The following TSC2 variants were observed in gnomAD, a reference collection of about 807,000 sequenced individuals.
The protein encoded by TSC2 is TSC complex subunit 2.
In TSC2, 29 loss-of-function variants were observed where a neutral mutation model predicts 202.2. That is an observed-to-expected ratio of 0.14 (90% CI 0.11 to 0.20). The LOEUF is 0.20. TSC2 is among the 10% of genes least tolerant of loss of function. The pLI is 1.00. For synonymous variants in TSC2, 1,349 were observed against 1,044.0 expected (o/e 1.29, Z -5.63); for missense variants, 2,429 against 2,420.0 (o/e 1.00, Z -0.08).
chr16:2,080,512 C>G (rs2089998093), intron 30 of TSC2, 135 bp downstream of exon 30: 1 of 1,048,744 alleles, frequency 9.5e-7, no homozygotes, highest in East Asian at 2.6e-5. Context: ...GAGACAGAGT[C>G]TTGCTCTGTG....
At chr16:2,087,251 C>T (rs1165991177) in intron 38 of TSC2, 2 of 368,454 alleles carry the variant, frequency 5.4e-6, no homozygotes, top group Admixed American at 7.7e-5. Context: ...CCAGCGTCAC[C>T]CTCTTCCTGG....
chr16:2,055,282 G>A (rs1802735900), intron 5 of TSC2, 120 bp from the exon 6 acceptor site: 1 of 825,086 alleles, frequency 1.2e-6, no homozygotes, highest in Non-Finnish European at 2.1e-6. Context: ...GCTGCCGGGG[G>A]ACTGATGATG....
intron 25 of TSC2, chr16:2,077,303 G>A (rs903842309): frequency 2.3e-6 from 1 of 432,772 alleles, no homozygotes; most frequent in South Asian, 2.1e-5. Flanking sequence ...AATCTGCCGT[G>A]GGGGTGACCC....
intron 15 of TSC2, 127 bp downstream of exon 15, chr16:2,064,554 C>T (rs2087055499): frequency 1.4e-6 from 2 of 1,447,366 alleles, no homozygotes; most frequent in African/African-American, 1.4e-5. Context: ...AGGCTCCCCT[C>T]CCTGCAGGGT....
rs1567409304 is a variant in TSC2, at chr16:2,056,762, G to A, written c.767G>A (p.Cys256Tyr). The A allele has an allele frequency of 6.2e-7, 1 of 1,608,818 alleles. No individual in the cohort carries two copies. The highest frequency in any genetic ancestry group is 1.1e-5 in the South Asian group (1 of 91,060). ...TINVKELCEP[C>Y]WKLMRNLLGT... ...AACGTCAAGGAGCTCTGCGAGCCTT[G>A]CTGGAAGGTGGGGTTTCTGAAACTG... Residue 256 changes from cysteine to tyrosine, a missense_variant, in exon 8 of 42, where the codon TGC (cysteine) becomes TAC (tyrosine). Physicochemically the swap from Cys to Tyr is radical, Grantham distance 194. Transcript: ENST00000219476.
chr16:2,080,726 C>A (rs9923663), intron 30 of TSC2: 2 of 282,922 alleles, frequency 7.1e-6, no homozygotes, highest in Non-Finnish European at 1.4e-5. Flanking sequence ...CCTCGTGATC[C>A]GCCCGCCTTG....
In TSC2 at chr16:2,077,774, G is replaced by A. The variant is rs750288059; in HGVS notation, c.2966+48G>A. 47 of 1,606,224 alleles carry A rather than the reference G, an allele frequency of 2.9e-5. No individual in the cohort carries two copies. In the Middle Eastern group the frequency reaches 6.1e-4, roughly 21 times the overall value. On this transcript the variant is annotated intron_variant, in intron 26 of 41. Transcript: ENST00000219476. Reference sequence around the variant, plus strand: ...GGCACGGACCCTGGAGCTTGGCCCCGTGAGCACCTGGGTGGCAGTGCATGG... The same window carrying A: ...GGCACGGACCCTGGAGCTTGGCCCCATGAGCACCTGGGTGGCAGTGCATGG...
chr16:2,075,622 G>A (rs1054589781), intron 22 of TSC2, among the ~76,000 whole-genome samples, 177 bp from the exon 23 acceptor site: 1 of 151,986 alleles, frequency 6.6e-6, no homozygotes, highest in African/African-American at 2.4e-5. Flanking sequence ...AGAAGCTGTG[G>A]TTGGCTGGCC....
chr16:2,075,913 C>CT (rs2089281268), intron 23 of TSC2, 21 bp downstream of exon 23: 1 of 1,613,048 alleles, frequency 6.2e-7, no homozygotes. Context: ...GCCCCAGGCC[C>CT]TGTGCCTCCC....
chr16:2,053,962 C>T (rs1288768405), intron 4 of TSC2: 2 of 452,576 alleles, frequency 4.4e-6, no homozygotes, highest in African/African-American at 2.0e-5. Context: ...CCCACTCAGG[C>T]CTTGTCCTCA....
intron 4 of TSC2, chr16:2,053,840 T>C (rs1403724117): frequency 2.0e-6 from 1 of 498,588 alleles, no homozygotes; most frequent in Admixed American, 2.3e-5. Context: ...TGGCTGACCC[T>C]GAACACCCAG....
intron 17 of TSC2, among the ~76,000 whole-genome samples, chr16:2,071,207 C>T (rs1323888614): frequency 3.3e-5 from 5 of 152,168 alleles, no homozygotes; most frequent in Non-Finnish European, 1.5e-5. Context: ...CAGTTGGGGG[C>T]GTGTGGTGCT....
intron 32 of TSC2, 86 bp downstream of exon 32, chr16:2,082,590 C>G: frequency 1.4e-6 from 2 of 1,469,352 alleles, no homozygotes; most frequent in Non-Finnish European, 9.4e-7. Flanking sequence ...CCGCCCACCC[C>G]CATGGTCCGT....
Position 2,084,581 on chromosome 16 carries a change from C to T in TSC2, c.4359C>T (p.Pro1453=), listed in dbSNP as rs1212442267. 3.7e-6 allele frequency: 6 copies of T among 1,606,342 alleles called. No individual in the cohort carries two copies. Among genetic ancestry groups the T allele is most frequent in the East Asian group, 4.5e-5 (2 of 44,876 alleles). ...GPLPSSSPRS[P]SGLRPRGYTI... is the part of the protein sequence containing the mutation. ...TGCCTTCCAGCTCCCCCCGCTCGCC[C>T]AGTGGCCTCCGGCCCCGAGGTTACA... The change falls in exon 34 of 42, where the codon CCC becomes CCT. Residue 1453 remains proline, a synonymous_variant. Coordinates refer to ENST00000219476, the MANE Select transcript of TSC2 (RefSeq NM_000548.5).
chr16:2,074,448 G>A (rs1030185956), intron 22 of TSC2, 59 bp downstream of exon 22: 12 of 1,589,228 alleles, frequency 7.6e-6, no homozygotes, highest in East Asian at 6.7e-5. Flanking sequence ...TAACCTGTGC[G>A]GGCTTCTCTG....
chr16:2,061,691 G>A (rs1260953194), intron 11 of TSC2, 180 bp from the exon 12 acceptor site: 1 of 1,001,184 alleles, frequency 1.0e-6, no homozygotes, highest in Non-Finnish European at 1.5e-6. Flanking sequence ...ATCTGGGGGT[G>A]TCTCAACCCA....
At chr16:2,068,777 G>T (rs1035972689) in intron 16 of TSC2, 3 of 148,348 alleles carry the variant, frequency 2.0e-5, no homozygotes, top group Admixed American at 7.0e-5. Flanking sequence ...GGAGGCTGAG[G>T]TAGGAGAATC....
In TSC2 at chr16:2,088,865, TCG is replaced by T; in HGVS notation, c.*260_*261del. 1 of 526,582 alleles carries T rather than the reference TCG, an allele frequency of 1.9e-6. No homozygotes were observed. The highest frequency in any genetic ancestry group is 3.3e-6 in the Non-Finnish European group (1 of 300,666). 32.6% of individuals were successfully genotyped at this position (526,582 alleles called of 1,614,324 possible). ...AGGCTGCCTGGGCCATACAGCACAC[TCG>T]CGCGTGCGCGCGCGCACACACACAC... is the stretch of plus-strand genomic sequence containing the variant. On this transcript the variant is annotated 3_prime_UTR_variant, in exon 42 of 42. Transcript: ENST00000219476.
At chr16:2,049,670 C>T (rs1283266761) in intron 2 of TSC2, among the ~76,000 whole-genome samples, 3 of 151,580 alleles carry the variant, frequency 2.0e-5, no homozygotes, top group Middle Eastern at 6.8e-3. Flanking sequence ...ACTAAAAATA[C>T]CAAAAATTAG....
Sources: gnomAD v4.1 joint callset for allele counts (sites outside exome capture counted in the v4.1 genomes callset) on GRCh38, gnomAD v4.1.1 for gene constraint, MANE v1.5 for transcripts, NCBI Gene and HGNC (gene_info 2026-07-23, HGNC 2026-07-21) for gene names.